LRCH3: variants seen among roughly 807,000 people sequenced by gnomAD.
LRCH3 encodes the protein DISP complex protein LRCH3.
Under a neutral mutation model 104.5 loss-of-function variants are expected in LRCH3, and 68 were observed. That is an observed-to-expected ratio of 0.65 (90% confidence interval 0.54 to 0.80). The LOEUF is 0.80. LRCH3 is among the 30% of genes least tolerant of loss of function. The probability of loss-of-function intolerance (pLI) is 0.00; values close to 1 mark genes in which losing one functional copy is unlikely to be tolerated. For missense variants in LRCH3, 951 were observed against 953.9 expected (o/e 1.00, Z 0.04); for synonymous variants, 344 against 361.3 (o/e 0.95, Z 0.54).
chr3:197,869,284 G>A (rs990479408), intron 17 of LRCH3, among the ~76,000 whole-genome samples: 4 of 148,182 alleles, frequency 2.7e-5, no homozygotes, highest in Admixed American at 1.3e-4. Context: ...AGAAAGCGAT[G>A]CACTGTACCT....
At chr3:197,859,191 T>C (rs1421708720) in intron 15 of LRCH3, 1 of 393,714 alleles carries the variant, frequency 2.5e-6, no homozygotes, top group African/African-American at 2.1e-5. Context: ...TATTTCACTT[T>C]GGTTAGTATA....
At position 197,883,580 on chromosome 3, in the gene LRCH3, G is replaced by A. The variant is rs1317772040; in HGVS notation, c.2248G>A (p.Gly750Ser). ...CLPLHILEEK[G>S]LSQVAVTVQA... is the part of the protein sequence containing the mutation. ...GCCTCTCCACATTTTAGAAGAGAAA[G>A]GTTTGAGCCAGGTTGCAGTGACGGT... The change falls in exon 21 of 21, where the codon GGT (glycine) becomes AGT (serine). Residue 750 changes from glycine (G) to serine (S), a missense_variant. Gly to Ser is a moderately conservative substitution (Grantham distance 56, BLOSUM62 0). Transcript: ENST00000425562. The surrounding 1 kb of genome is among the most constrained non-coding windows in gnomAD (Gnocchi z 4.2). The A allele has an allele frequency of 2.0e-6, 3 of 1,536,032 alleles. No homozygotes were observed. The South Asian group carries it at 3.6e-5, about 18-fold the overall frequency.
At chr3:197,821,759 C>T (rs922907687) in intron 4 of LRCH3, among the ~76,000 whole-genome samples, 8 of 152,224 alleles carry the variant, frequency 5.3e-5, no homozygotes, top group African/African-American at 1.2e-4. Flanking sequence ...ACTGCAGCCT[C>T]GACCTCTCAG....
In LRCH3 at chr3:197,884,826, T is replaced by A. The variant is rs1714073494; in HGVS notation, c.*1160T>A. ...TGGGGTCTTGCCGTATTGCCCAGGC[T>A]GGTCTGAAACTCCTGGGCTCAACTG... On this transcript the variant is annotated 3_prime_UTR_variant, in exon 21 of 21. Transcript: ENST00000425562. 1 of 152,076 alleles carries A rather than the reference T, an allele frequency of 6.6e-6. No individual in the cohort carries two copies. Among genetic ancestry groups the A allele is most frequent in the African/African-American group, 2.4e-5 (1 of 41,372 alleles). 9.4% of individuals were successfully genotyped at this position (152,076 alleles called of 1,614,324 possible). A position where few individuals can be genotyped will look rare whatever the true frequency, so the allele number is the denominator to read the frequency against.
chr3:197,848,463 C>T (rs1739086215), intron 12 of LRCH3: 1 of 153,928 alleles, frequency 6.5e-6, no homozygotes, highest in Non-Finnish European at 1.4e-5. Flanking sequence ...TCTCCACACA[C>T]ATCCAATTAA....
chr3:197,878,502 T>A (rs941354907), intron 20 of LRCH3, among the ~76,000 whole-genome samples: 3 of 152,002 alleles, frequency 2.0e-5, no homozygotes, highest in East Asian at 1.9e-4. Flanking sequence ...TCCAGAGTGG[T>A]TAGGCTGAGG....
chr3:197,839,249 G>A lies in LRCH3; in HGVS notation c.1252-72G>A, dbSNP rs112434898. The A allele has an allele frequency of 3.6e-4, 333 of 919,400 alleles. 1 individual carries two copies. In the African/African-American group the frequency reaches 5.3e-3, roughly 15 times the overall value. The allele number at this position is 919,400 out of a possible 1,614,324, so 57.0% of individuals were successfully genotyped here. On this transcript the variant is annotated intron_variant, in intron 9 of 20. Transcript: ENST00000425562. ...TAATATATAAATTAAATGACAAATTGGATGTGAACTGTGTAATCGCAGTGT... is the reference window on the plus strand; with the variant it reads ...TAATATATAAATTAAATGACAAATTAGATGTGAACTGTGTAATCGCAGTGT...
intron 4 of LRCH3, among the ~76,000 whole-genome samples, chr3:197,826,444 C>T (rs1358101064): frequency 2.0e-5 from 3 of 152,116 alleles, no homozygotes; most frequent in Admixed American, 6.6e-5. Context: ...CCCTTAGTTC[C>T]GAGCATTTTT....
intron 1 of LRCH3, among the ~76,000 whole-genome samples, chr3:197,804,281 C>T (rs2060295634): frequency 6.6e-6 from 1 of 151,828 alleles, no homozygotes; most frequent in Non-Finnish European, 1.5e-5. Flanking sequence ...AAAAGACCCA[C>T]TTTGTGGGTG....
chr3:197,800,246 A>G (rs894034938), intron 1 of LRCH3, among the ~76,000 whole-genome samples: 1 of 152,130 alleles, frequency 6.6e-6, no homozygotes, highest in Non-Finnish European at 1.5e-5. Flanking sequence ...TTCATATCAT[A>G]GAGAGTGGGA....
rs1180540703 is a variant in LRCH3, at chr3:197,887,493, TGA to T, written c.*3831_*3832del. ...TCCCATCACTGACAGTGTTGGGGGC[TGA>T]GAGCCCCCCAGCAGAGCCCTTCCCA... On this transcript the variant is annotated 3_prime_UTR_variant, in exon 21 of 21. Transcript: ENST00000425562. 1 of 134,228 alleles carries T rather than the reference TGA, an allele frequency of 7.5e-6. No individual in the cohort carries two copies. The highest frequency in any genetic ancestry group is 3.0e-5 in the African/African-American group (1 of 33,036). The allele number at this position is 134,228 out of a possible 1,614,324, so 8.3% of individuals were successfully genotyped here. A position where few individuals can be genotyped will look rare whatever the true frequency, so the allele number is the denominator to read the frequency against.
At chr3:197,867,164 C>A (rs1380732198) in intron 17 of LRCH3, among the ~76,000 whole-genome samples, 1 of 152,164 alleles carries the variant, frequency 6.6e-6, no homozygotes, top group Non-Finnish European at 1.5e-5. Context: ...GTAATTCCTG[C>A]TACTCAGGAG....
intron 10 of LRCH3, among the ~76,000 whole-genome samples, chr3:197,841,809 ATGTTTTGTTTTGTTT>A (rs370265011): frequency 0.12 from 17,576 of 148,306 alleles, 1,169 homozygotes; most frequent in African/African-American, 0.18. Context: ...CTAGGATTAC[ATGTTTTGTTTTGTTT>A]TGTTTTGTTT....
At chr3:197,817,341 T>TATTTTGTGC in intron 3 of LRCH3, 39 bp downstream of exon 3, 1 of 435,568 alleles carries the variant, frequency 2.3e-6, no homozygotes, top group African/African-American at 3.2e-5. Context: ...TGTGTGTGTG[T>TATTTTGTGC]GTGTCTGTGT....
At position 197,804,153 on chromosome 3, in the gene LRCH3, C is replaced by A. The variant is rs372050516; in HGVS notation, c.263-10755C>A. Among the ~76,000 whole-genome samples, 396 of 151,900 alleles carry A rather than the reference C, an allele frequency of 2.6e-3. 1 individual carries two copies. Among genetic ancestry groups the A allele is most frequent in the African/African-American group, 9.2e-3 (380 of 41,418 alleles). On this transcript the variant is annotated intron_variant, in intron 1 of 20. Transcript: ENST00000425562. ...GTGCACCTCTAGTTAGTTCTAGGTA[C>A]TAGGGAGGCTGAGGTGGGAGAATTG...
rs968325573 is a variant in LRCH3 at position 197,885,422 on chromosome 3, C to A, written c.*1756C>A. The A allele has an allele frequency of 6.6e-6, 1 of 152,080 alleles. No individual in the cohort carries two copies. The highest frequency in any genetic ancestry group is 1.5e-5 in the Non-Finnish European group (1 of 68,076). 9.4% of individuals were successfully genotyped at this position (152,080 alleles called of 1,614,324 possible). A position where few individuals can be genotyped will look rare whatever the true frequency, so the allele number is the denominator to read the frequency against. On this transcript the variant is annotated 3_prime_UTR_variant, in exon 21 of 21. Coordinates refer to ENST00000425562, the MANE Select transcript of LRCH3 (RefSeq NM_001365715.1). The stretch of plus-strand genomic sequence containing the variant: ...AGTTGGGAGTTTGAGACCAGCCTGA[C>A]CAACATGGAGAAACCCCGTCTCTAC...
Position 197,879,384 on chromosome 3 carries a change from C to G in LRCH3, c.2208+3609C>G, listed in dbSNP as rs34161024. 2.6e-5 allele frequency among the ~76,000 whole-genome samples: 4 copies of G among 152,226 alleles called. No individual in the cohort carries two copies. The East Asian group carries it at 5.8e-4, about 22-fold the overall frequency. ...CCCCCTGGCCGGGCGCGGTGGCTCA[C>G]GCCTGTAATCCCAGCACTTTGGGAG... is the stretch of plus-strand genomic sequence containing the variant. On this transcript the variant is annotated intron_variant, in intron 20 of 20. Coordinates refer to ENST00000425562, the MANE Select transcript of LRCH3 (RefSeq NM_001365715.1).
rs1284389052 is a variant in LRCH3, at chr3:197,856,568, G to A, written c.1644+2123G>A. Among the ~76,000 whole-genome samples, 1 of 151,598 alleles carries A rather than the reference G, an allele frequency of 6.6e-6. No homozygotes were observed. The highest frequency in any genetic ancestry group is 1.5e-5 in the Non-Finnish European group (1 of 67,912). ...ACGTGGCTAATTTTTTTATTTTTTT[G>A]TAGAGTCAGGGTCTCACTGTGTTGC... On this transcript the variant is annotated intron_variant, in intron 14 of 20. Transcript: ENST00000425562. The surrounding 1 kb of genome is among the most constrained non-coding windows in gnomAD (Gnocchi z 4.2).
At chr3:197,801,843 G>A (rs1052339200) in intron 1 of LRCH3, among the ~76,000 whole-genome samples, 2 of 152,192 alleles carry the variant, frequency 1.3e-5, no homozygotes, top group Non-Finnish European at 2.9e-5. Flanking sequence ...TGAAATTAAC[G>A]TGTTGTCAGG....
Sources: gnomAD v4.1 joint callset for allele counts (sites outside exome capture counted in the v4.1 genomes callset) on GRCh38, gnomAD v4.1.1 for gene constraint, Gnocchi (gnomAD v3.1) non-coding constraint, MANE v1.5 for transcripts, NCBI Gene and HGNC (gene_info 2026-07-23, HGNC 2026-07-21) for gene names.